Variants in PLET1 observed in about 807,000 individuals in gnomAD.
PLET1 encodes the protein placenta expressed transcript 1.
A neutral mutation model predicts 18.5 loss-of-function variants in PLET1; 20 were observed. The ratio of observed to expected loss-of-function variants is 1.08; its 90% CI spans 0.76 to 1.57. The LOEUF is 1.57. PLET1 is among the 40% of genes most tolerant of loss of function. PLET1 has a pLI of 0.00. For missense variants in PLET1, 256 were observed against 246.4 expected, an observed-to-expected ratio of 1.04 and a Z score of -0.26; for synonymous variants, 93 against 93.8, an observed-to-expected ratio of 0.99 and a Z score of 0.05.
intron 2 of PLET1, 99 bp downstream of exon 2, chr11:112,255,289 C>G: frequency 8.1e-7 from 1 of 1,235,032 alleles, no homozygotes; most frequent in East Asian, 2.5e-5. Flanking sequence ...CTCCATATCA[C>G]GTCTGGATTG....
At chr11:112,249,124 C>T (rs1434653348) in intron 3 of PLET1, 150 bp from the exon 4 acceptor site, 4 of 741,500 alleles carry the variant, frequency 5.4e-6, no homozygotes, top group Non-Finnish European at 8.8e-6. Context: ...TTCTCCAGTG[C>T]CAAGTGTTTT....
chr11:112,248,938 C>G lies in PLET1; in HGVS notation c.485G>C (p.Ser162Thr). 6.4e-7 allele frequency: 1 copy of G among 1,550,874 alleles called. No individual in the cohort carries two copies. The highest frequency in any genetic ancestry group is 1.2e-5 in the South Asian group (1 of 84,012). ...TLALAAKIPQ[S>T]SAFKPFFMIT... ...CATGAAGAAAGGCTTGAAGGCTGAG[C>G]TCTGGGGAATCTTGGCAGCTAAGGC... The change falls in exon 4 of 4, where the codon AGC becomes ACC. Residue 162 changes from serine (S) to threonine (T), a missense_variant. Transcript: ENST00000338832.
chr11:112,255,316 A>G, intron 2 of PLET1, 72 bp downstream of exon 2: 7 of 1,425,738 alleles, frequency 4.9e-6, no homozygotes, highest in Non-Finnish European at 6.8e-6. Flanking sequence ...AAGTCCTCCT[A>G]GCTTAGTGTA....
intron 1 of PLET1, among the ~76,000 whole-genome samples, chr11:112,259,410 T>A (rs981343395): frequency 2.0e-5 from 3 of 152,196 alleles, no homozygotes; most frequent in Non-Finnish European, 4.4e-5. Context: ...CCATAGGAAG[T>A]GTTATTATTA....
At chr11:112,256,871 G>C (rs1860229765) in intron 1 of PLET1, among the ~76,000 whole-genome samples, 2 of 132,472 alleles carry the variant, frequency 1.5e-5, no homozygotes, top group African/African-American at 5.3e-5. Flanking sequence ...CTCTGCACGG[G>C]TGTGCCCTGT....
intron 2 of PLET1, among the ~76,000 whole-genome samples, chr11:112,254,580 A>C (rs1246337907): frequency 1.0e-5 from 1 of 98,616 alleles, no homozygotes; most frequent in South Asian, 3.7e-4. Context: ...TGTGGTATGT[A>C]TGTGTGGCAT....
At chr11:112,249,010 A>G (rs1399473945) in intron 3 of PLET1, 36 bp from the exon 4 acceptor site, 1 of 1,540,854 alleles carries the variant, frequency 6.5e-7, no homozygotes, top group Non-Finnish European at 8.8e-7. Context: ...TGGCACTGGA[A>G]AATGGCATCG....
At position 112,248,478 on chromosome 11, in the gene PLET1, C is replaced by T. The variant is rs1057461725; in HGVS notation, c.*321G>A. Reference sequence around the variant, plus strand: ...TGCAGGGGAATCATTTGGCAGTGAACAAAAGTTGAGATTGGCTGTGGAATT... The same window carrying T: ...TGCAGGGGAATCATTTGGCAGTGAATAAAAGTTGAGATTGGCTGTGGAATT... On this transcript the variant is annotated 3_prime_UTR_variant, in exon 4 of 4. Transcript: ENST00000338832. The T allele has an allele frequency of 1.9e-4, 80 of 415,434 alleles. No homozygotes were observed. The highest frequency in any genetic ancestry group is 2.1e-4 in the Admixed American group (5 of 23,968). 25.7% of individuals were successfully genotyped at this position (415,434 alleles called of 1,614,324 possible). A position where few individuals can be genotyped will look rare whatever the true frequency, so the allele number is the denominator to read the frequency against.
chr11:112,258,618 T>C (rs1238453383), intron 1 of PLET1, among the ~76,000 whole-genome samples: 3 of 152,172 alleles, frequency 2.0e-5, no homozygotes, highest in African/African-American at 7.2e-5. Flanking sequence ...ATTAGCAAAA[T>C]CTTTCACCTG....
intron 1 of PLET1, chr11:112,260,124 A>G (rs2135420022): frequency 2.8e-6 from 1 of 351,356 alleles, no homozygotes; most frequent in South Asian, 7.8e-5. Flanking sequence ...CATTTTATTT[A>G]AGTCAGAGAA....
chr11:112,255,550 A>G lies in PLET1; in HGVS notation c.224T>C (p.Met75Thr). ...GTCACTGTTCTCGTCCAAGGTTTTC[A>G]TGACCACAGCATAGACGCTGTCATT... is the stretch of plus-strand genomic sequence containing the variant. ...PVNDSVYAVV[M>T]KTLDENSDSA... Residue 75 changes from methionine to threonine, a missense_variant, in exon 2 of 4, where the codon ATG becomes ACG. Transcript: ENST00000338832. 6.4e-7 allele frequency: 1 copy of G among 1,551,512 alleles called. No homozygotes were observed. Among genetic ancestry groups the G allele is most frequent in the South Asian group, 1.2e-5 (1 of 84,052 alleles).
At chr11:112,252,437 A>C (rs1329683559) in intron 2 of PLET1, 28 bp from the exon 3 acceptor site, 1 of 1,540,748 alleles carries the variant, frequency 6.5e-7, no homozygotes, top group East Asian at 2.4e-5. Context: ...ATGAGAGATA[A>C]TGCTGAGGAC....
intron 3 of PLET1, among the ~76,000 whole-genome samples, chr11:112,250,197 A>G (rs775333400): frequency 7.1e-6 from 1 of 141,154 alleles, no homozygotes; most frequent in Non-Finnish European, 1.5e-5. Context: ...CCTGGAGCTA[A>G]CGAGTCCTGA....
At chr11:112,250,262 G>C (rs1375989964) in intron 3 of PLET1, among the ~76,000 whole-genome samples, 1 of 41,980 alleles carries the variant, frequency 2.4e-5, no homozygotes, top group African/African-American at 8.1e-5. Context: ...TGGCATTTAT[G>C]TCAGGGAAGC....
chr11:112,250,171 A>G (rs1860139759), intron 3 of PLET1, among the ~76,000 whole-genome samples: 1 of 144,742 alleles, frequency 6.9e-6, no homozygotes, highest in Non-Finnish European at 1.5e-5. Context: ...TTTTTTTTTT[A>G]ACTGGATTTT....
chr11:112,254,511 GTGTGTGTGGTATGTA>G (rs1267340221), intron 2 of PLET1, among the ~76,000 whole-genome samples: 2 of 137,774 alleles, frequency 1.5e-5, no homozygotes, highest in Non-Finnish European at 3.0e-5. Flanking sequence ...AGTGTGTGTG[GTGTGTGTGGTATGTA>G]TGTGTGTGGT....
At chr11:112,257,369 T>A (rs1442588386) in intron 1 of PLET1, among the ~76,000 whole-genome samples, 1 of 97,250 alleles carries the variant, frequency 1.0e-5, no homozygotes, top group Non-Finnish European at 2.3e-5. Context: ...TTAACTCTCG[T>A]TCCTTTTTTT....
chr11:112,251,017 G>T (rs976724780), intron 3 of PLET1, among the ~76,000 whole-genome samples: 4 of 152,208 alleles, frequency 2.6e-5, no homozygotes, highest in Non-Finnish European at 4.4e-5. Flanking sequence ...TAGGCAGCAT[G>T]CTAGGTGTCT....
At chr11:112,257,075 GAGCATGTC>G (rs1472840312) in intron 1 of PLET1, among the ~76,000 whole-genome samples, 1 of 152,226 alleles carries the variant, frequency 6.6e-6, no homozygotes, top group Admixed American at 6.5e-5. Flanking sequence ...CTTCTTTCTA[GAGCATGTC>G]AACATTTCTG....
Sources: gnomAD v4.1 joint callset for allele counts (sites outside exome capture counted in the v4.1 genomes callset) on GRCh38, gnomAD v4.1.1 for gene constraint, MANE v1.5 for transcripts, NCBI Gene and HGNC (gene_info 2026-07-23, HGNC 2026-07-21) for gene names.